Variants in EGLN3 observed in about 807,000 individuals in gnomAD.
EGLN3 encodes prolyl hydroxylase EGLN3.
A neutral mutation model predicts 26.0 loss-of-function variants in EGLN3; 15 were observed. The ratio of observed to expected loss-of-function variants is 0.58; its 90% confidence interval spans 0.39 to 0.89. The LOEUF is 0.89. Among genes scored for constraint, EGLN3 ranks in the 40% least tolerant of loss-of-function variants. EGLN3 has a pLI of 0.00. For missense variants in EGLN3, 238 were observed against 311.6 expected (o/e 0.76, Z 1.78); for synonymous variants, 147 against 127.2 (o/e 1.16, Z -1.05).
chr14:33,935,178 G>A (rs2064432389), intron 1 of EGLN3, among the ~76,000 whole-genome samples: 1 of 152,202 alleles, frequency 6.6e-6, no homozygotes, highest in Non-Finnish European at 1.5e-5. Flanking sequence ...GACTCAGGGA[G>A]ATAATCCATG....
chr14:33,937,192 C>T (rs1487512300), intron 1 of EGLN3, among the ~76,000 whole-genome samples: 1 of 152,062 alleles, frequency 6.6e-6, no homozygotes, highest in Non-Finnish European at 1.5e-5. Flanking sequence ...CAGAATTGAA[C>T]AAAAAAGGTC....
chr14:33,928,526 T>C (rs1594374628), intron 3 of EGLN3, among the ~76,000 whole-genome samples: 2 of 152,260 alleles, frequency 1.3e-5, no homozygotes, highest in East Asian at 3.9e-4. Context: ...CATGTGCACA[T>C]GATAAAGAAA....
intron 1 of EGLN3, among the ~76,000 whole-genome samples, chr14:33,943,900 C>G (rs2064499981): frequency 6.6e-6 from 1 of 152,128 alleles, no homozygotes. Context: ...TTTGCTTGAG[C>G]TGAAGCAGAA....
intron 1 of EGLN3, among the ~76,000 whole-genome samples, chr14:33,939,398 G>T (rs1038750433): frequency 6.6e-6 from 1 of 152,096 alleles, no homozygotes; most frequent in Non-Finnish European, 1.5e-5. Flanking sequence ...TTTTAGTAGA[G>T]ACTGGGTTTC....
At chr14:33,944,383 G>A (rs1021924534) in intron 1 of EGLN3, among the ~76,000 whole-genome samples, 1 of 152,110 alleles carries the variant, frequency 6.6e-6, no homozygotes, top group African/African-American at 2.4e-5. Context: ...GCCTCCCAAA[G>A]TGCTGGGATT....
intron 1 of EGLN3, among the ~76,000 whole-genome samples, chr14:33,936,652 A>G (rs2138818586): frequency 6.6e-6 from 1 of 152,230 alleles, no homozygotes; most frequent in East Asian, 1.9e-4. Context: ...CAAAGGCACT[A>G]TATGTGCTAG....
intron 3 of EGLN3, among the ~76,000 whole-genome samples, chr14:33,928,582 C>T (rs1039308196): frequency 6.6e-6 from 1 of 152,108 alleles, no homozygotes; most frequent in African/African-American, 2.4e-5. Context: ...ACAGCAAGCC[C>T]AAGCCAATTT....
intron 1 of EGLN3, among the ~76,000 whole-genome samples, chr14:33,947,648 T>C (rs912450540): frequency 1.3e-5 from 2 of 152,126 alleles, no homozygotes; most frequent in Non-Finnish European, 2.9e-5. Context: ...AAAAAATTGG[T>C]CTAAAACAAA....
chr14:33,928,524 C>T (rs1178414175), intron 3 of EGLN3, among the ~76,000 whole-genome samples: 1 of 152,146 alleles, frequency 6.6e-6, no homozygotes, highest in Non-Finnish European at 1.5e-5. Context: ...TTCATGTGCA[C>T]ATGATAAAGA....
Position 33,950,453 on chromosome 14 carries a change from C to A in EGLN3, c.300G>T (p.Arg100Ser). The change falls in exon 1 of 5, where the codon AGG (arginine) becomes AGT (serine). Residue 100 changes from arginine to serine, a missense_variant. Coordinates refer to ENST00000250457, the MANE Select transcript of EGLN3 (RefSeq NM_022073.4). Reference sequence around the variant, plus strand: ...GCCGGCTCCCGCAGTAGAGGACCAGCCTGTCGATGAGGGACAGGAGGAAGC... The same window carrying A: ...GCCGGCTCCCGCAGTAGAGGACCAGACTGTCGATGAGGGACAGGAGGAAGC... ...AISFLLSLIDRLVLYCGSRLG... is the reference protein window; with the variant it reads ...AISFLLSLIDSLVLYCGSRLG... 6.2e-7 allele frequency: 1 copy of A among 1,613,600 alleles called. No individual in the cohort carries two copies.
chr14:33,935,939 TAA>T (rs2064439117), intron 1 of EGLN3, among the ~76,000 whole-genome samples: 1 of 152,018 alleles, frequency 6.6e-6, no homozygotes, highest in Non-Finnish European at 1.5e-5. Context: ...ACTAGATGTG[TAA>T]AGAGTTGGGG....
intron 1 of EGLN3, among the ~76,000 whole-genome samples, chr14:33,938,722 A>G (rs1289858045): frequency 6.6e-6 from 1 of 152,186 alleles, no homozygotes; most frequent in African/African-American, 2.4e-5. Context: ...CTTTCCCCAA[A>G]TATTAACAGC....
chr14:33,948,616 TAC>T (rs1450208718), intron 1 of EGLN3: 2 of 152,198 alleles, frequency 1.3e-5, no homozygotes, highest in African/African-American at 4.8e-5. Context: ...TACCCTAACT[TAC>T]ACAGTGTTTT....
intron 2 of EGLN3, among the ~76,000 whole-genome samples, chr14:33,930,427 A>G (rs1374447602): frequency 6.6e-6 from 1 of 152,216 alleles, no homozygotes; most frequent in Non-Finnish European, 1.5e-5. Flanking sequence ...AGAAGGTTCA[A>G]AAGCCAAATA....
intron 1 of EGLN3, among the ~76,000 whole-genome samples, chr14:33,932,078 T>C (rs2138813776): frequency 6.6e-6 from 1 of 152,342 alleles, no homozygotes; most frequent in Middle Eastern, 3.4e-3. Flanking sequence ...AGTTCTTTTC[T>C]TCACAGGATA....
chr14:33,932,150 C>T (rs750518217), intron 1 of EGLN3, among the ~76,000 whole-genome samples: 17 of 152,096 alleles, frequency 1.1e-4, no homozygotes, highest in Non-Finnish European at 2.4e-4. Context: ...ATATTAGAAC[C>T]AGCAACACAA....
At chr14:33,944,493 T>C (rs778309513) in intron 1 of EGLN3, among the ~76,000 whole-genome samples, 2 of 152,182 alleles carry the variant, frequency 1.3e-5, no homozygotes, top group Non-Finnish European at 1.5e-5. Flanking sequence ...TCTCCAAATA[T>C]GAAAACAACT....
chr14:33,947,446 A>T, intron 1 of EGLN3, among the ~76,000 whole-genome samples: 1 of 152,132 alleles, frequency 6.6e-6, no homozygotes, highest in Non-Finnish European at 1.5e-5. Flanking sequence ...TTCTTTCTAT[A>T]TTCTTCCACA....
At chr14:33,948,515 C>T (rs1353894215) in intron 1 of EGLN3, 1 of 152,158 alleles carries the variant, frequency 6.6e-6, no homozygotes, top group East Asian at 1.9e-4. Context: ...TTCACGATCA[C>T]CTTCTGACAG....
Sources: allele counts gnomAD v4.1 joint callset (sites outside exome capture counted in the v4.1 genomes callset), GRCh38; gene constraint gnomAD v4.1.1; transcripts MANE v1.5; gene names NCBI Gene and HGNC (gene_info 2026-07-23, HGNC 2026-07-21).